Variants in EXOC4 observed in about 807,000 individuals in gnomAD.
EXOC4 encodes SEC8-like 1.
In EXOC4, 71 loss-of-function variants were observed where a neutral mutation model predicts 107.2. The observed-to-expected ratio is 0.66, with a 90% CI of 0.55 to 0.81. EXOC4 has a LOEUF of 0.81. Ranked by LOEUF, EXOC4 falls within the 30% of genes least tolerant of loss-of-function variation. EXOC4 has a pLI of 0.00. For missense variants in EXOC4, 1,108 were observed against 1,189.6 expected (o/e 0.93, Z 1.01); for synonymous variants, 456 against 441.2 (o/e 1.03, Z -0.42).
chr7:134,053,693 T>G (rs1346659939), intron 17 of EXOC4, among the ~76,000 whole-genome samples: 1 of 151,740 alleles, frequency 6.6e-6, no homozygotes, highest in African/African-American at 2.4e-5. Context: ...CAAGTAACAT[T>G]TAAAATAAGG....
chr7:134,000,558 T>A (rs746788152), intron 15 of EXOC4, among the ~76,000 whole-genome samples: 1 of 152,178 alleles, frequency 6.6e-6, no homozygotes, highest in African/African-American at 2.4e-5. Flanking sequence ...AAACCTGTTG[T>A]CTTTAAAGAA....
intron 11 of EXOC4, among the ~76,000 whole-genome samples, chr7:133,844,378 CTTTTTTTTTTTTTTTTT>C (rs761535651): frequency 8.4e-5 from 7 of 83,392 alleles, no homozygotes; most frequent in African/African-American, 3.5e-4. Flanking sequence ...CCACATATTC[CTTTTTTTTTTTTTTTTT>C]TTTTTTTTTT....
At chr7:133,858,900 G>A (rs1798475159) in intron 11 of EXOC4, among the ~76,000 whole-genome samples, 1 of 152,110 alleles carries the variant, frequency 6.6e-6, no homozygotes, top group Admixed American at 6.5e-5. Flanking sequence ...CCAGTCCCAA[G>A]ATGCATTTCA....
intron 10 of EXOC4, among the ~76,000 whole-genome samples, chr7:133,802,720 G>A (rs1414142498): frequency 6.6e-6 from 1 of 151,836 alleles, no homozygotes; most frequent in Non-Finnish European, 1.5e-5. Context: ...GGTGGTGGAA[G>A]CCTGTAATCC....
chr7:133,831,591 T>C (rs116910419), intron 11 of EXOC4, among the ~76,000 whole-genome samples: 2,200 of 152,068 alleles, frequency 0.014, 16 homozygotes, highest in Middle Eastern at 0.027. Flanking sequence ...CTCCTTACTT[T>C]CTGGCACTAC....
At chr7:133,973,144 C>T (rs1020929605) in intron 14 of EXOC4, among the ~76,000 whole-genome samples, 5 of 152,084 alleles carry the variant, frequency 3.3e-5, no homozygotes, top group Non-Finnish European at 7.4e-5. Flanking sequence ...CATGGATAAA[C>T]AAGACCCAGC....
At chr7:134,096,047 G>A in the EXOC4 span, among the ~76,000 whole-genome samples, 3 of 152,078 alleles carry the variant, frequency 2.0e-5, no homozygotes, top group Admixed American at 2.0e-4. Flanking sequence ...GAAAATATTT[G>A]CAAACTATGC....
intron 9 of EXOC4, among the ~76,000 whole-genome samples, chr7:133,541,268 T>C (rs1350381371): frequency 1.3e-5 from 2 of 152,190 alleles, no homozygotes; most frequent in Non-Finnish European, 2.9e-5. Flanking sequence ...TGAGAACCTA[T>C]GCCCAAATGG....
At chr7:134,006,629 A>G (rs1187719898) in intron 16 of EXOC4, among the ~76,000 whole-genome samples, 1 of 152,094 alleles carries the variant, frequency 6.6e-6, no homozygotes, top group Admixed American at 6.6e-5. Flanking sequence ...CCGCACTCTG[A>G]TCTAAACCTC....
intron 1 of EXOC4, among the ~76,000 whole-genome samples, chr7:133,264,281 G>A (rs576404372): frequency 6.6e-6 from 1 of 152,260 alleles, no homozygotes; most frequent in South Asian, 2.1e-4. Context: ...TATGTGTTGG[G>A]TGTAGTAATT....
chr7:133,917,549 G>A (rs748131638), intron 12 of EXOC4, 34 bp from the exon 13 acceptor site: 27 of 1,605,786 alleles, frequency 1.7e-5, no homozygotes, highest in Admixed American at 8.4e-5. Context: ...CAGGCATCAT[G>A]CTACAGTGTC....
intron 11 of EXOC4, among the ~76,000 whole-genome samples, 179 bp from the exon 12 acceptor site, chr7:133,895,420 G>C (rs931076145): frequency 2.8e-4 from 43 of 152,288 alleles, no homozygotes; most frequent in Admixed American, 3.9e-4. Flanking sequence ...CTGTAGACCA[G>C]AGCTGTTCCT....
chr7:133,470,238 A>T (rs1431101886), intron 7 of EXOC4, among the ~76,000 whole-genome samples: 1 of 152,232 alleles, frequency 6.6e-6, no homozygotes. Context: ...TTTATTTAAA[A>T]AAAACCTCTG....
chr7:133,620,462 A>G (rs1435562261), intron 9 of EXOC4, among the ~76,000 whole-genome samples: 3 of 152,318 alleles, frequency 2.0e-5, no homozygotes, highest in East Asian at 1.9e-4. Context: ...TCAGTTCTAG[A>G]TATACTGAGG....
At chr7:133,666,967 T>A (rs1202326542) in intron 10 of EXOC4, among the ~76,000 whole-genome samples, 2 of 152,200 alleles carry the variant, frequency 1.3e-5, no homozygotes, top group African/African-American at 4.8e-5. Context: ...TCTGGACTTT[T>A]CCAGATGGGT....
chr7:133,446,271 C>T (rs1209557853), intron 7 of EXOC4, among the ~76,000 whole-genome samples: 1 of 152,170 alleles, frequency 6.6e-6, no homozygotes, highest in Admixed American at 6.5e-5. Flanking sequence ...ACCAAAACCT[C>T]TCAATAAAAC....
chr7:133,965,766 C>A (rs944485854), intron 14 of EXOC4, among the ~76,000 whole-genome samples: 2 of 152,126 alleles, frequency 1.3e-5, no homozygotes, highest in Non-Finnish European at 2.9e-5. Flanking sequence ...CATGATGCCT[C>A]CAGCTTTGTT....
intron 10 of EXOC4, among the ~76,000 whole-genome samples, chr7:133,759,545 TA>T (rs1427029203): frequency 1.3e-5 from 2 of 152,196 alleles, no homozygotes; most frequent in Non-Finnish European, 2.9e-5. Flanking sequence ...TTTGGCTTAA[TA>T]GATTTACATA....
chr7:133,432,223 AAAAAC>A (rs1797871625), intron 7 of EXOC4, among the ~76,000 whole-genome samples: 1 of 152,164 alleles, frequency 6.6e-6, no homozygotes, highest in Non-Finnish European at 1.5e-5. Flanking sequence ...GTGAGGAAAA[AAAAAC>A]AAAACAGGCT....
Sources: allele counts gnomAD v4.1 joint callset (sites outside exome capture counted in the v4.1 genomes callset), GRCh38; gene constraint gnomAD v4.1.1; transcripts MANE v1.5; gene names NCBI Gene and HGNC (gene_info 2026-07-23, HGNC 2026-07-21).